The following AKAP7 variants were observed in gnomAD, a reference collection of about 807,000 sequenced individuals.
AKAP7 encodes the protein A-kinase anchoring protein 7.
A neutral mutation model predicts 39.5 loss-of-function variants in AKAP7; 39 were observed. The observed-to-expected ratio is 0.99, with a 90% CI of 0.76 to 1.29. AKAP7 has a LOEUF of 1.29. Ranked by LOEUF, AKAP7 falls within the 50% of genes most tolerant of loss-of-function variation. AKAP7 has a pLI of 0.00. For synonymous variants in AKAP7, 140 were observed against 139.1 expected (o/e 1.01, Z -0.05); for missense variants, 414 against 407.7 (o/e 1.02, Z -0.13).
chr6:131,149,505 C>T (rs980137529), intron 2 of AKAP7, among the ~76,000 whole-genome samples: 7 of 152,094 alleles, frequency 4.6e-5, no homozygotes, highest in African/African-American at 1.2e-4. Flanking sequence ...CATGGTGGCA[C>T]GTACCTGTAA....
chr6:131,182,728 T>G (rs1417261642), intron 5 of AKAP7, among the ~76,000 whole-genome samples: 2 of 152,232 alleles, frequency 1.3e-5, no homozygotes, highest in Non-Finnish European at 2.9e-5. Context: ...TCTTAATGTT[T>G]TCTATAGCAG....
At chr6:131,155,359 A>G (rs1802327020) in intron 2 of AKAP7, among the ~76,000 whole-genome samples, 2 of 152,186 alleles carry the variant, frequency 1.3e-5, no homozygotes, top group African/African-American at 4.8e-5. Context: ...CAGTAGGCAA[A>G]TAATGTTTGC....
At position 131,166,675 on chromosome 6, in the gene AKAP7, C is replaced by T. The variant is rs1345891008; in HGVS notation, c.428+1458C>T. 5.3e-5 allele frequency among the ~76,000 whole-genome samples: 8 copies of T among 152,130 alleles called. No individual in the cohort carries two copies. The East Asian group carries it at 1.5e-3, about 29-fold the overall frequency. On this transcript the variant is annotated intron_variant, in intron 4 of 7. Coordinates refer to ENST00000431975, the MANE Select transcript of AKAP7 (RefSeq NM_016377.4). The stretch of plus-strand genomic sequence containing the variant: ...TGGGTCCACCCCTATTCTGGAGGGG[C>T]AGAGGTGTCAACTTTTAATTGATGG...
chr6:131,179,274 A>G (rs1804882311), intron 5 of AKAP7, among the ~76,000 whole-genome samples: 1 of 152,062 alleles, frequency 6.6e-6, no homozygotes, highest in Admixed American at 6.5e-5. Context: ...CCTGGGTTCA[A>G]GTGATTCTCC....
At chr6:131,278,078 T>C (rs191364093) in intron 7 of AKAP7, among the ~76,000 whole-genome samples, 3 of 152,282 alleles carry the variant, frequency 2.0e-5, no homozygotes, top group Admixed American at 2.0e-4. Context: ...ATTTTTAAAA[T>C]GTTGCTATTG....
chr6:131,218,212 A>C (rs887514907), intron 6 of AKAP7, among the ~76,000 whole-genome samples: 1 of 152,226 alleles, frequency 6.6e-6, no homozygotes, highest in Non-Finnish European at 1.5e-5. Flanking sequence ...ATGATATTAA[A>C]AATTAAGATC....
chr6:131,254,064 TATTA>T (rs1812662026), intron 7 of AKAP7, among the ~76,000 whole-genome samples: 1 of 152,196 alleles, frequency 6.6e-6, no homozygotes, highest in Admixed American at 6.6e-5. Context: ...ATGGTTTATT[TATTA>T]ATTAGTGCAG....
chr6:131,273,565 T>A (rs1431314684), intron 7 of AKAP7, among the ~76,000 whole-genome samples: 2 of 152,220 alleles, frequency 1.3e-5, no homozygotes, highest in South Asian at 4.1e-4. Flanking sequence ...CCACTTCACG[T>A]TTAACAGAAG....
At chr6:131,138,246 A>G (rs940053619) in intron 1 of AKAP7, among the ~76,000 whole-genome samples, 3 of 152,190 alleles carry the variant, frequency 2.0e-5, no homozygotes, top group Admixed American at 1.3e-4. Flanking sequence ...GGCTTATTTC[A>G]CTTAACATAA....
In AKAP7 at chr6:131,160,076, A is replaced by G. The variant is rs79025611; in HGVS notation, c.169A>G (p.Ile57Val). 1.6e-4 allele frequency: 247 copies of G among 1,592,806 alleles called. No individual in the cohort carries two copies. The African/African-American group carries it at 2.3e-3, about 15-fold the overall frequency. Residue 57 changes from isoleucine to valine, a missense_variant, in exon 3 of 8, where the codon ATA becomes GTA. Ile to Val is a conservative substitution (Grantham distance 29). Transcript: ENST00000431975. ...DDCGITDEPQ[I>V]NLKRSQENEW... ...TCCTCTAGTCACTGATGAACCTCAA[A>G]TAAATTTGAAGAGAAGTCAAGAAAA...
At chr6:131,174,133 A>T (rs1378972079) in intron 5 of AKAP7, among the ~76,000 whole-genome samples, 1 of 152,242 alleles carries the variant, frequency 6.6e-6, no homozygotes, top group African/African-American at 2.4e-5. Flanking sequence ...CTGGAGGGAG[A>T]ACAACATTCT....
intron 7 of AKAP7, among the ~76,000 whole-genome samples, chr6:131,268,717 G>A (rs1327893366): frequency 6.6e-6 from 1 of 152,164 alleles, no homozygotes; most frequent in African/African-American, 2.4e-5. Context: ...TCCTAGCCTA[G>A]GATAATCAGC....
Position 131,206,786 on chromosome 6 carries a change from CATCT to C in AKAP7, c.702+7234_702+7237del, listed in dbSNP as rs148815359. On this transcript the variant is annotated intron_variant, in intron 6 of 7. Coordinates refer to ENST00000431975, the MANE Select transcript of AKAP7 (RefSeq NM_016377.4). The stretch of plus-strand genomic sequence containing the variant: ...CTGTCTGTCTGTCTGTCCATCCATC[CATCT>C]ATCTATCTATCTATCTATCTCTGCA... Among the ~76,000 whole-genome samples the C allele has an allele frequency of 9.9e-5, 15 of 151,314 alleles. No homozygotes were observed. The South Asian group carries it at 2.5e-3, about 25-fold the overall frequency.
chr6:131,186,571 A>G (rs1276108016), intron 5 of AKAP7, among the ~76,000 whole-genome samples: 2 of 152,180 alleles, frequency 1.3e-5, no homozygotes, highest in Middle Eastern at 3.2e-3. Context: ...TAAACAACAG[A>G]AATTTATTCA....
intron 6 of AKAP7, among the ~76,000 whole-genome samples, chr6:131,210,854 C>G (rs961538998): frequency 2.0e-5 from 3 of 152,136 alleles, no homozygotes; most frequent in African/African-American, 7.2e-5. Context: ...ACGACTTGGT[C>G]CCCTTGGATC....
At chr6:131,179,935 A>G (rs1804986940) in intron 5 of AKAP7, among the ~76,000 whole-genome samples, 1 of 152,236 alleles carries the variant, frequency 6.6e-6, no homozygotes, top group Non-Finnish European at 1.5e-5. Flanking sequence ...GTATTCATCA[A>G]AAGAATGAGA....
chr6:131,172,760 A>G (rs1804195189), intron 5 of AKAP7, among the ~76,000 whole-genome samples: 1 of 152,202 alleles, frequency 6.6e-6, no homozygotes, highest in Admixed American at 6.5e-5. Flanking sequence ...TGTAGAATTG[A>G]TATTACAGAA....
intron 3 of AKAP7, among the ~76,000 whole-genome samples, chr6:131,161,644 C>A (rs1340303245): frequency 3.0e-5 from 1 of 33,618 alleles, no homozygotes; most frequent in Non-Finnish European, 5.3e-5. Context: ...GACTGTATCT[C>A]AAAAAAAAAA....
chr6:131,245,772 C>G (rs1302500748), intron 7 of AKAP7, among the ~76,000 whole-genome samples: 1 of 152,038 alleles, frequency 6.6e-6, no homozygotes, highest in East Asian at 1.9e-4. Flanking sequence ...AAAGGTATGT[C>G]TCGTCTCCTA....
Sources: allele counts gnomAD v4.1 joint callset (sites outside exome capture counted in the v4.1 genomes callset), GRCh38; gene constraint gnomAD v4.1.1; transcripts MANE v1.5; gene names NCBI Gene and HGNC (gene_info 2026-07-23, HGNC 2026-07-21).